PTPRN2: variants seen among roughly 807,000 people sequenced by gnomAD.
PTPRN2 encodes protein tyrosine phosphatase receptor type N2.
Under a neutral mutation model 118.8 loss-of-function variants are expected in PTPRN2, and 74 were observed. The observed-to-expected ratio is 0.62, with a 90% CI of 0.52 to 0.76. PTPRN2 has a LOEUF of 0.76. Among genes scored for constraint, PTPRN2 ranks in the 30% least tolerant of loss-of-function variants. The pLI, the probability that PTPRN2 is intolerant of heterozygous loss-of-function variation, is 0.00. For synonymous variants in PTPRN2, 641 were observed against 608.0 expected, an observed-to-expected ratio of 1.05 and a Z score of -0.80; for missense variants, 1,481 against 1,394.4, an observed-to-expected ratio of 1.06 and a Z score of -0.99.
chr7:158,120,546 GC>G (rs1383445285), intron 9 of PTPRN2, among the ~76,000 whole-genome samples: 2 of 152,158 alleles, frequency 1.3e-5, no homozygotes, highest in African/African-American at 4.8e-5. Flanking sequence ...GCTCCTTTCT[GC>G]TCCCTGTCTC....
At chr7:157,691,133 C>T (rs1797477578) in intron 12 of PTPRN2, among the ~76,000 whole-genome samples, 1 of 149,046 alleles carries the variant, frequency 6.7e-6, no homozygotes, top group Admixed American at 6.6e-5. Context: ...CAAACACCCT[C>T]TCCCGCCCGA....
chr7:158,317,588 G>A (rs376919757), intron 2 of PTPRN2, among the ~76,000 whole-genome samples: 5 of 152,226 alleles, frequency 3.3e-5, no homozygotes, highest in Middle Eastern at 6.8e-3. Flanking sequence ...GTCTTTATTC[G>A]GCGAATTGTT....
chr7:157,757,641 G>C (rs969161808), intron 12 of PTPRN2, among the ~76,000 whole-genome samples: 3 of 150,786 alleles, frequency 2.0e-5, no homozygotes, highest in African/African-American at 7.3e-5. Context: ...CCTGTTGTTC[G>C]ACTGGTATGC....
chr7:157,731,129 C>T (rs1799875167), intron 12 of PTPRN2, among the ~76,000 whole-genome samples: 1 of 152,126 alleles, frequency 6.6e-6, no homozygotes, highest in African/African-American at 2.4e-5. Flanking sequence ...TTCACCTCTG[C>T]GCTGCCCCCA....
intron 2 of PTPRN2, among the ~76,000 whole-genome samples, chr7:158,391,001 C>T (rs1288096195): frequency 6.6e-6 from 1 of 152,184 alleles, no homozygotes; most frequent in East Asian, 1.9e-4. Context: ...AAACCCACCC[C>T]CACCTCCACT....
intron 5 of PTPRN2, among the ~76,000 whole-genome samples, chr7:158,171,833 A>T (rs1469684742): frequency 6.6e-6 from 1 of 152,204 alleles, no homozygotes; most frequent in African/African-American, 2.4e-5. Context: ...GAGGTTTCCT[A>T]AGACAATGTG....
intron 12 of PTPRN2, among the ~76,000 whole-genome samples, chr7:157,692,075 C>G (rs548684774): frequency 6.6e-6 from 1 of 152,242 alleles, no homozygotes. Context: ...TCTTGTCACA[C>G]GCAGATGACA....
chr7:158,337,197 C>G (rs1805775697), intron 2 of PTPRN2, among the ~76,000 whole-genome samples: 1 of 152,248 alleles, frequency 6.6e-6, no homozygotes, highest in African/African-American at 2.4e-5. Flanking sequence ...ACACTCTCAC[C>G]ATAAGAGGTG....
chr7:158,502,899 G>C (rs374672754), intron 1 of PTPRN2, among the ~76,000 whole-genome samples: 1 of 95,222 alleles, frequency 1.1e-5, no homozygotes, highest in South Asian at 3.6e-4. Flanking sequence ...CAGCCACTGT[G>C]TCCATCAGCC....
intron 2 of PTPRN2, among the ~76,000 whole-genome samples, chr7:158,368,256 C>T (rs1340207487): frequency 1.3e-5 from 2 of 152,266 alleles, no homozygotes; most frequent in South Asian, 2.1e-4. Context: ...TGGAACATCC[C>T]TACCAGGAGA....
intron 11 of PTPRN2, among the ~76,000 whole-genome samples, chr7:157,982,820 C>A (rs1269874991): frequency 8.3e-6 from 1 of 120,256 alleles, no homozygotes; most frequent in African/African-American, 3.2e-5. Flanking sequence ...AGTGCAGGGT[C>A]CCCCCTAAAC....
At chr7:157,776,257 TCCTCCCTCCTCTTCCTCTTCA>T (rs1803226671) in intron 12 of PTPRN2, among the ~76,000 whole-genome samples, 29 of 133,682 alleles carry the variant, frequency 2.2e-4, no homozygotes, top group South Asian at 2.7e-4. Context: ...CTCCCTCTCC[TCCTCCCTCCTCTTCCTCTTCA>T]CCTCCTCCCT....
intron 12 of PTPRN2, among the ~76,000 whole-genome samples, chr7:157,693,338 C>T (rs1352223356): frequency 6.6e-6 from 1 of 152,040 alleles, no homozygotes. Flanking sequence ...CCTAGGGTGG[C>T]GACAGAGCAA....
intron 5 of PTPRN2, among the ~76,000 whole-genome samples, chr7:158,180,642 T>A (rs1824623924): frequency 6.6e-6 from 1 of 152,222 alleles, no homozygotes; most frequent in Admixed American, 6.5e-5. Flanking sequence ...GTTCTCTGTA[T>A]AGAGATCTTT....
chr7:158,061,343 C>T (rs1379226189), intron 11 of PTPRN2, among the ~76,000 whole-genome samples: 2 of 152,194 alleles, frequency 1.3e-5, no homozygotes, highest in African/African-American at 4.8e-5. Flanking sequence ...AGGCACAGTC[C>T]CCACGTGCTT....
rs181144068 is a variant in PTPRN2 at position 158,062,524 on chromosome 7, C to T, written c.1723+18774G>A. 3.1e-3 allele frequency among the ~76,000 whole-genome samples: 474 copies of T among 152,332 alleles called. 2 individuals carry two copies. Among genetic ancestry groups the T allele is most frequent in the African/African-American group, 0.011 (458 of 41,576 alleles). On this transcript the variant is annotated intron_variant, in intron 11 of 22. Transcript: ENST00000389418. ...TGCACCATGGGAGCCCCTCTCTGGG[C>T]TGGCCAAGGCCTGAGCCGGCTCCCT... is the stretch of plus-strand genomic sequence containing the variant.
At chr7:158,512,249 G>C (rs1189858287) in intron 1 of PTPRN2, among the ~76,000 whole-genome samples, 1 of 152,202 alleles carries the variant, frequency 6.6e-6, no homozygotes, top group Non-Finnish European at 1.5e-5. Flanking sequence ...TGCTCTAGCT[G>C]ATAAACTTGT....
In PTPRN2 at chr7:157,790,839, GC is replaced by G. The variant is rs199545039; in HGVS notation, c.1788+107833del. ...CTTGGTGAGGAAACAGGGTCCAGGAGCATTTTCTCTGCTCGGGTGAAGCTCA... is the reference window on the plus strand; with the variant it reads ...CTTGGTGAGGAAACAGGGTCCAGGAGATTTTCTCTGCTCGGGTGAAGCTCA... On this transcript the variant is annotated intron_variant, in intron 12 of 22. Transcript: ENST00000389418. 3.0e-3 allele frequency among the ~76,000 whole-genome samples: 463 copies of G among 152,230 alleles called. 10 individuals carry two copies. Among genetic ancestry groups the G allele is most frequent in the Admixed American group, 0.026 (391 of 15,296 alleles).
chr7:157,835,794 A>C (rs1204715183), intron 12 of PTPRN2, among the ~76,000 whole-genome samples: 1 of 152,244 alleles, frequency 6.6e-6, no homozygotes, highest in Non-Finnish European at 1.5e-5. Context: ...ATCCAGATAC[A>C]TTAACACATT....
Sources: allele counts gnomAD v4.1 joint callset (sites outside exome capture counted in the v4.1 genomes callset), GRCh38; gene constraint gnomAD v4.1.1; transcripts MANE v1.5; gene names NCBI Gene and HGNC (gene_info 2026-07-23, HGNC 2026-07-21).